Variants in SIPA1L3 observed in about 807,000 individuals in gnomAD.
SIPA1L3 encodes the protein signal-induced proliferation-associated 1-like protein 3.
In SIPA1L3, 59 loss-of-function variants were observed where a neutral mutation model predicts 150.1. The observed-to-expected ratio is 0.39, with a 90% CI of 0.32 to 0.49. The LOEUF is 0.49. Among genes scored for constraint, SIPA1L3 ranks in the 20% least tolerant of loss-of-function variants. The pLI is 0.86. For missense variants in SIPA1L3, 2,211 were observed against 2,489.5 expected, an observed-to-expected ratio of 0.89 and a Z score of 2.38; for synonymous variants, 1,070 against 1,077.6, an observed-to-expected ratio of 0.99 and a Z score of 0.14.
intron 4 of SIPA1L3, among the ~76,000 whole-genome samples, chr19:38,090,330 C>CAAAA (rs55941671): frequency 4.3e-5 from 3 of 70,358 alleles, no homozygotes; most frequent in African/African-American, 9.9e-5. Flanking sequence ...AACTCCATCT[C>CAAAA]AAAAAAAAAA....
chr19:38,008,508 C>T lies in SIPA1L3; in HGVS notation c.-378-20581C>T, dbSNP rs143730340. On this transcript the variant is annotated intron_variant, in intron 1 of 21. Coordinates refer to ENST00000222345, the MANE Select transcript of SIPA1L3 (RefSeq NM_015073.3). ...CCTCCCAAAGTGCTGGGATTGCAGA[C>T]GTGAGCCACCGCTCCTGGCTAGGCT... Among the ~76,000 whole-genome samples, 488 of 152,100 alleles carry T rather than the reference C, an allele frequency of 3.2e-3. 2 individuals carry two copies. Among genetic ancestry groups the T allele is most frequent in the African/African-American group, 0.011 (452 of 41,472 alleles).
At chr19:38,203,440 A>C (rs1973133932) in intron 20 of SIPA1L3, among the ~76,000 whole-genome samples, 1 of 152,092 alleles carries the variant, frequency 6.6e-6, no homozygotes, top group South Asian at 2.1e-4. Context: ...TTCAGCCCCA[A>C]CTCCAAGCAG....
At chr19:38,174,912 C>T (rs1447538422) in intron 15 of SIPA1L3, among the ~76,000 whole-genome samples, 1 of 151,850 alleles carries the variant, frequency 6.6e-6, no homozygotes, top group Admixed American at 6.6e-5. Flanking sequence ...TATCACAGGA[C>T]TGGAGACATA....
chr19:38,202,665 G>A (rs4803862), intron 20 of SIPA1L3, among the ~76,000 whole-genome samples: 16,784 of 152,114 alleles, frequency 0.11, 981 homozygotes, highest in Non-Finnish European at 0.13. Context: ...CGTCAGCCCC[G>A]TCGCTGCCAA....
At chr19:38,120,891 T>C (rs556664356) in intron 9 of SIPA1L3, among the ~76,000 whole-genome samples, 1 of 152,310 alleles carries the variant, frequency 6.6e-6, no homozygotes, top group East Asian at 1.9e-4. Context: ...GTGTGCTAAA[T>C]AGAGATAGCA....
At chr19:37,911,150 C>G (rs1400686534) in intron 1 of SIPA1L3, among the ~76,000 whole-genome samples, 4 of 152,106 alleles carry the variant, frequency 2.6e-5, no homozygotes, top group Non-Finnish European at 4.4e-5. Context: ...TTGGAGATAG[C>G]ATAATGAACA....
intron 1 of SIPA1L3, among the ~76,000 whole-genome samples, chr19:37,974,759 G>A (rs560590531): frequency 6.6e-6 from 1 of 152,262 alleles, no homozygotes; most frequent in South Asian, 2.1e-4. Flanking sequence ...ACACCCAGTG[G>A]TACATCCCCT....
chr19:38,176,990 CA>C (rs1302119778), intron 15 of SIPA1L3, among the ~76,000 whole-genome samples: 1 of 151,088 alleles, frequency 6.6e-6, no homozygotes, highest in African/African-American at 2.4e-5. Flanking sequence ...AAACAAACAA[CA>C]AAAAAACAAA....
chr19:38,197,875 C>A (rs1156892866), intron 18 of SIPA1L3, among the ~76,000 whole-genome samples: 3 of 145,280 alleles, frequency 2.1e-5, no homozygotes, highest in Non-Finnish European at 4.5e-5. Context: ...CCCCCAAATC[C>A]CCCCCCAAAC....
intron 1 of SIPA1L3, among the ~76,000 whole-genome samples, chr19:37,926,550 C>G (rs1381935079): frequency 6.6e-6 from 1 of 152,106 alleles, no homozygotes; most frequent in African/African-American, 2.4e-5. Context: ...TGGCAGAGCA[C>G]CCAGCTTGAG....
intron 15 of SIPA1L3, among the ~76,000 whole-genome samples, chr19:38,174,101 AG>A (rs1449340068): frequency 1.3e-5 from 2 of 152,098 alleles, no homozygotes; most frequent in Non-Finnish European, 2.9e-5. Flanking sequence ...AGGATGCAGG[AG>A]GAAGAGGGAG....
At chr19:38,140,655 T>C (rs1971554620) in intron 10 of SIPA1L3, among the ~76,000 whole-genome samples, 1 of 151,626 alleles carries the variant, frequency 6.6e-6, no homozygotes, top group Non-Finnish European at 1.5e-5. Context: ...GGAGATGAGG[T>C]GGAAAGGGCC....
intron 1 of SIPA1L3, among the ~76,000 whole-genome samples, chr19:37,923,968 T>G (rs1376135594): frequency 6.6e-6 from 1 of 152,008 alleles, no homozygotes; most frequent in Non-Finnish European, 1.5e-5. Context: ...AGAGACAGGG[T>G]TTCACCATGT....
At chr19:38,053,582 G>C (rs1406931152) in intron 2 of SIPA1L3, among the ~76,000 whole-genome samples, 1 of 151,578 alleles carries the variant, frequency 6.6e-6, no homozygotes, top group Non-Finnish European at 1.5e-5. Context: ...TGGAGATGGG[G>C]GTCTCGCTGT....
chr19:37,933,536 C>T (rs745628101), intron 1 of SIPA1L3, among the ~76,000 whole-genome samples: 14 of 152,310 alleles, frequency 9.2e-5, no homozygotes, highest in Admixed American at 3.3e-4. Context: ...GTTCCTGGCA[C>T]GTGGTAGATG....
At chr19:38,176,243 C>T (rs1478208365) in intron 15 of SIPA1L3, among the ~76,000 whole-genome samples, 1 of 151,904 alleles carries the variant, frequency 6.6e-6, no homozygotes, top group Admixed American at 6.6e-5. Context: ...AAACTCCTGA[C>T]CTCGGGTGAT....
intron 3 of SIPA1L3, among the ~76,000 whole-genome samples, chr19:38,086,735 T>A (rs1426135812): frequency 6.6e-6 from 1 of 152,160 alleles, no homozygotes; most frequent in Non-Finnish European, 1.5e-5. Context: ...AAGAATGTAT[T>A]CAGAACCATC....
At chr19:38,028,838 G>A (rs778797001) in intron 1 of SIPA1L3, among the ~76,000 whole-genome samples, 6 of 151,828 alleles carry the variant, frequency 4.0e-5, no homozygotes, top group African/African-American at 1.2e-4. Context: ...CATGACAGGC[G>A]CCCACCACCA....
chr19:37,980,471 CA>C (rs1967175217), intron 1 of SIPA1L3, among the ~76,000 whole-genome samples: 1 of 151,698 alleles, frequency 6.6e-6, no homozygotes, highest in African/African-American at 2.4e-5. Flanking sequence ...GTTAATAAGG[CA>C]AAAAAGAAAG....
Sources: gnomAD v4.1 joint callset for allele counts (sites outside exome capture counted in the v4.1 genomes callset) on GRCh38, gnomAD v4.1.1 for gene constraint, MANE v1.5 for transcripts, NCBI Gene and HGNC (gene_info 2026-07-23, HGNC 2026-07-21) for gene names.